The following ASB15 variants were observed in gnomAD, a reference collection of about 807,000 sequenced individuals.
ASB15 encodes ankyrin repeat and SOCS box containing 15.
ASB15 carries 54 observed loss-of-function variants against 58.0 expected under a neutral mutation model. The observed-to-expected ratio is 0.93, with a 90% CI of 0.75 to 1.17. ASB15 has a LOEUF of 1.17. Ranked by LOEUF, ASB15 falls within the 50% of genes most tolerant of loss-of-function variation. The pLI, the probability that ASB15 is intolerant of heterozygous loss-of-function variation, is 0.00. For missense variants in ASB15, 680 were observed against 707.4 expected (o/e 0.96, Z 0.44); for synonymous variants, 249 against 262.4 (o/e 0.95, Z 0.50).
chr7:123,589,344 A>C (rs1354513639), intron 1 of ASB15, among the ~76,000 whole-genome samples: 1 of 148,608 alleles, frequency 6.7e-6, no homozygotes, highest in Non-Finnish European at 1.5e-5. Flanking sequence ...ATTATACTTT[A>C]AGTTCAAGGG....
rs997305879 is a variant in ASB15 at position 123,619,672 on chromosome 7, C to T, written c.451+1935C>T. Among the ~76,000 whole-genome samples the T allele has an allele frequency of 3.3e-5, 5 of 152,138 alleles. No individual in the cohort carries two copies. In the East Asian group the frequency reaches 9.7e-4, roughly 30 times the overall value. ...CCGAGTAGCTGGGACTACAGGCGCC[C>T]GCCACCACGCCCAGCTAATGTTTTG... On this transcript the variant is annotated intron_variant, in intron 7 of 11. Coordinates refer to ENST00000451215, the MANE Select transcript of ASB15 (RefSeq NM_001290258.2).
chr7:123,607,000 C>G (rs1800177057), intron 2 of ASB15, among the ~76,000 whole-genome samples: 1 of 152,092 alleles, frequency 6.6e-6, no homozygotes, highest in South Asian at 2.1e-4. Flanking sequence ...TAAGGTAGTT[C>G]TATTTTTAAA....
intron 4 of ASB15, 43 bp downstream of exon 4, chr7:123,614,652 C>A (rs763266632): frequency 1.6e-6 from 2 of 1,255,834 alleles, no homozygotes; most frequent in Non-Finnish European, 1.2e-6. Flanking sequence ...TTCTTTATGG[C>A]ATTCATTTTG....
chr7:123,568,561 G>A (rs374214943), intron 1 of ASB15, among the ~76,000 whole-genome samples: 2 of 151,738 alleles, frequency 1.3e-5, no homozygotes, highest in African/African-American at 4.8e-5. Flanking sequence ...CCTATGGGAG[G>A]ATTGAATATT....
intron 11 of ASB15, among the ~76,000 whole-genome samples, chr7:123,635,636 A>G (rs1802385947): frequency 1.1e-5 from 1 of 90,556 alleles, no homozygotes. Flanking sequence ...TGATGACTTT[A>G]GAAAGACAAT....
intron 1 of ASB15, among the ~76,000 whole-genome samples, chr7:123,574,673 T>A (rs1361487572): frequency 6.6e-6 from 1 of 152,090 alleles, no homozygotes; most frequent in Non-Finnish European, 1.5e-5. Context: ...ACTTGCCAAT[T>A]CCATTTCTCC....
At chr7:123,577,523 C>A (rs1024262553) in intron 1 of ASB15, among the ~76,000 whole-genome samples, 26 of 152,098 alleles carry the variant, frequency 1.7e-4, no homozygotes, top group Non-Finnish European at 3.7e-4. Flanking sequence ...TAATTAATTT[C>A]ATTTTGTCAT....
chr7:123,635,126 G>C (rs4621745), intron 11 of ASB15, among the ~76,000 whole-genome samples: 1 of 152,206 alleles, frequency 6.6e-6, no homozygotes, highest in Non-Finnish European at 1.5e-5. Context: ...CAATACTATA[G>C]TGCAGGGATA....
At chr7:123,605,787 TA>T (rs1034555651) in intron 2 of ASB15, among the ~76,000 whole-genome samples, 3 of 152,090 alleles carry the variant, frequency 2.0e-5, no homozygotes, top group African/African-American at 7.2e-5. Context: ...AAGTAGGAAC[TA>T]AACTGTGAGT....
At chr7:123,603,273 G>A (rs1282700396) in intron 1 of ASB15, among the ~76,000 whole-genome samples, 2 of 152,102 alleles carry the variant, frequency 1.3e-5, no homozygotes, top group Non-Finnish European at 2.9e-5. Flanking sequence ...GACGTTGAAT[G>A]TATATTTTTG....
intron 11 of ASB15, among the ~76,000 whole-genome samples, chr7:123,633,579 T>C (rs1037600768): frequency 1.3e-5 from 2 of 152,056 alleles, no homozygotes; most frequent in African/African-American, 4.8e-5. Flanking sequence ...AGCTATTTTA[T>C]CTTGAAAGCA....
Position 123,628,926 on chromosome 7 carries a change from C to A in ASB15, c.932C>A (p.Pro311Gln), listed in dbSNP as rs762539839. The stretch of plus-strand genomic sequence containing the variant: ...GCAATTCGGAAAAGTGGGCTAACAC[C>A]AATTCACTCAGCAGCAGATGGACAA... ...KNAIRKSGLT[P>Q]IHSAADGQNA... The change falls in exon 10 of 12, where the codon CCA becomes CAA. Residue 311 changes from proline to glutamine, a missense_variant. Transcript: ENST00000451215. 3 of 1,602,718 alleles carry A rather than the reference C, an allele frequency of 1.9e-6. 1 individual carries two copies. The South Asian group carries it at 3.4e-5, about 18-fold the overall frequency.
At chr7:123,605,535 C>G (rs1437911298) in intron 2 of ASB15, among the ~76,000 whole-genome samples, 2 of 152,174 alleles carry the variant, frequency 1.3e-5, no homozygotes, top group African/African-American at 4.8e-5. Context: ...CATAAAGATA[C>G]ATGCACACGT....
At chr7:123,607,073 T>G (rs747285625) in intron 2 of ASB15, among the ~76,000 whole-genome samples, 72 of 152,338 alleles carry the variant, frequency 4.7e-4, no homozygotes, top group Non-Finnish European at 9.8e-4. Context: ...ATAAACTATG[T>G]GCCAGAATGG....
chr7:123,587,106 C>T (rs533554228), intron 1 of ASB15, among the ~76,000 whole-genome samples: 4 of 151,548 alleles, frequency 2.6e-5, no homozygotes, highest in Non-Finnish European at 5.9e-5. Context: ...CTGTGAAAAA[C>T]ATCATTGGAA....
chr7:123,581,949 A>G (rs1302411513), intron 1 of ASB15, among the ~76,000 whole-genome samples: 1 of 152,066 alleles, frequency 6.6e-6, no homozygotes, highest in African/African-American at 2.4e-5. Flanking sequence ...CAAACTGTAA[A>G]GAGCTTTTTA....
intron 1 of ASB15, among the ~76,000 whole-genome samples, chr7:123,568,959 G>A (rs1490518900): frequency 6.6e-6 from 1 of 152,126 alleles, no homozygotes; most frequent in Non-Finnish European, 1.5e-5. Context: ...ATGATAAAAT[G>A]GGGGACAGAA....
rs974967113 is a variant in ASB15, at chr7:123,639,147, C to T, written c.*2166C>T. 6.6e-6 allele frequency: 1 copy of T among 151,286 alleles called. No homozygotes were observed. Among genetic ancestry groups the T allele is most frequent in the Non-Finnish European group, 1.5e-5 (1 of 67,444 alleles). The allele number at this position is 151,286 out of a possible 1,614,324, so 9.4% of individuals were successfully genotyped here. ...TTACCTTGTTACCGTATTCTTTAAACAGTAATATCTCACTGGTCTGTAAAG... is the reference window on the plus strand; with the variant it reads ...TTACCTTGTTACCGTATTCTTTAAATAGTAATATCTCACTGGTCTGTAAAG... On this transcript the variant is annotated 3_prime_UTR_variant, in exon 12 of 12. Transcript: ENST00000451215.
chr7:123,622,462 T>C lies in ASB15; in HGVS notation c.452-2107T>C, dbSNP rs75223828. The stretch of plus-strand genomic sequence containing the variant: ...AAGGGATTTCCTACCATTTGCATTA[T>C]TATTTCTATGGGAAATACATTCTTG... On this transcript the variant is annotated intron_variant, in intron 7 of 11. Transcript: ENST00000451215. Among the ~76,000 whole-genome samples the C allele has an allele frequency of 4.5e-4, 68 of 152,330 alleles. No individual in the cohort carries two copies. The East Asian group carries it at 7.5e-3, about 17-fold the overall frequency.
Sources: allele counts gnomAD v4.1 joint callset (sites outside exome capture counted in the v4.1 genomes callset), GRCh38; gene constraint gnomAD v4.1.1; transcripts MANE v1.5; gene names NCBI Gene and HGNC (gene_info 2026-07-23, HGNC 2026-07-21).